The following GRM1 variants were observed in gnomAD, a reference collection of about 807,000 sequenced individuals.
GRM1 encodes metabotropic glutamate receptor 1.
In GRM1, 33 loss-of-function variants were observed where a neutral mutation model predicts 90.9. That is an observed-to-expected ratio of 0.36 (90% CI 0.28 to 0.49). The LOEUF (loss-of-function observed/expected upper bound fraction) is 0.49. Among genes scored for constraint, GRM1 ranks in the 20% least tolerant of loss-of-function variants. The pLI, the probability that GRM1 is intolerant of heterozygous loss-of-function variation, is 0.99. For missense variants in GRM1, 1,190 were observed against 1,534.3 expected, an observed-to-expected ratio of 0.78 and a Z score of 3.75; for synonymous variants, 700 against 613.2, an observed-to-expected ratio of 1.14 and a Z score of -2.09.
chr6:146,273,848 TGAG>T (rs1782256933), intron 2 of GRM1, among the ~76,000 whole-genome samples: 1 of 152,242 alleles, frequency 6.6e-6, no homozygotes. Context: ...AAGGCAATTA[TGAG>T]GAGGCTATGA....
chr6:146,198,322 A>C (rs1238255555), intron 2 of GRM1, among the ~76,000 whole-genome samples: 1 of 152,240 alleles, frequency 6.6e-6, no homozygotes, highest in East Asian at 1.9e-4. Context: ...AGTTCAGAGA[A>C]TGAAGTGGAG....
rs1562669987 is a variant in GRM1 at position 146,399,655 on chromosome 6, C to A, written c.2616C>A (p.Phe872Leu). 2 of 1,613,978 alleles carry A rather than the reference C, an allele frequency of 1.2e-6. No homozygotes were observed. Among genetic ancestry groups the A allele is most frequent in the South Asian group, 2.2e-5 (2 of 91,082 alleles). ...DGKLPCRSNT[F>L]LNIFRRKKAG... Reference sequence around the variant, plus strand: ...AGCTGCCCTGCCGCTCCAACACTTTCCTCAACATCTTCCGAAGAAAGAAGG... The same window carrying A: ...AGCTGCCCTGCCGCTCCAACACTTTACTCAACATCTTCCGAAGAAAGAAGG... Residue 872 changes from phenylalanine (F) to leucine (L), a missense_variant, in exon 7 of 8, where the codon TTC (phenylalanine) becomes TTA (leucine). By Grantham distance (22) the Phe-to-Leu change is conservative. Transcript: ENST00000282753. This position sits in a 1 kb window ranked among gnomAD's most constrained non-coding sequence, Gnocchi z 5.4.
intron 2 of GRM1, 71 bp from the exon 3 acceptor site, chr6:146,304,540 A>C (rs908794404): frequency 3.8e-6 from 4 of 1,050,938 alleles, no homozygotes; most frequent in Non-Finnish European, 5.9e-6. Flanking sequence ...CTTCATTCAT[A>C]TATAACTCTG....
chr6:146,092,022 G>T (rs1562458021), intron 1 of GRM1, among the ~76,000 whole-genome samples: 1 of 152,080 alleles, frequency 6.6e-6, no homozygotes. Flanking sequence ...TAATTTCAAA[G>T]ACATGCTTCA....
intron 7 of GRM1, among the ~76,000 whole-genome samples, chr6:146,400,367 T>A (rs1195667312): frequency 6.6e-6 from 1 of 152,000 alleles, no homozygotes; most frequent in Admixed American, 6.6e-5. Flanking sequence ...TGCAAAGTCA[T>A]GATCAGAATA....
At chr6:146,414,159 C>A (rs1354026228) in intron 7 of GRM1, among the ~76,000 whole-genome samples, 1 of 152,120 alleles carries the variant, frequency 6.6e-6, no homozygotes, top group African/African-American at 2.4e-5. Context: ...CATTCTGCCT[C>A]CTACCAAGAA....
intron 1 of GRM1, among the ~76,000 whole-genome samples, chr6:146,079,143 G>T (rs1776282090): frequency 6.6e-6 from 1 of 152,180 alleles, no homozygotes. Flanking sequence ...AGTTGGAGAT[G>T]ATCAGGGGAG....
At chr6:146,256,889 G>T (rs1291360356) in intron 2 of GRM1, among the ~76,000 whole-genome samples, 1 of 152,082 alleles carries the variant, frequency 6.6e-6, no homozygotes, top group Non-Finnish European at 1.5e-5. Flanking sequence ...TTTCCCAGGG[G>T]TGTTCATGGC....
At chr6:146,370,551 T>C (rs956375187) in intron 5 of GRM1, among the ~76,000 whole-genome samples, 1 of 152,092 alleles carries the variant, frequency 6.6e-6, no homozygotes, top group African/African-American at 2.4e-5. Context: ...TTTTGAGCTC[T>C]TTAACTTCAA....
intron 2 of GRM1, among the ~76,000 whole-genome samples, chr6:146,211,996 C>A (rs1221250928): frequency 6.6e-6 from 1 of 152,136 alleles, no homozygotes; most frequent in Admixed American, 6.6e-5. Flanking sequence ...GACAGGGCAT[C>A]AGGAAGGGCA....
At chr6:146,236,813 C>A (rs921461814) in intron 2 of GRM1, among the ~76,000 whole-genome samples, 1 of 152,226 alleles carries the variant, frequency 6.6e-6, no homozygotes, top group Middle Eastern at 3.4e-3. Flanking sequence ...TGCAGGGCTG[C>A]TGTTCTGTTC....
chr6:146,290,679 G>A (rs780523775), intron 2 of GRM1, among the ~76,000 whole-genome samples: 4 of 152,060 alleles, frequency 2.6e-5, no homozygotes, highest in Non-Finnish European at 4.4e-5. Flanking sequence ...GGTACTCCAT[G>A]CCTGTCCGAC....
intron 7 of GRM1, among the ~76,000 whole-genome samples, chr6:146,427,094 A>G (rs1024793804): frequency 2.0e-5 from 3 of 152,062 alleles, no homozygotes; most frequent in Non-Finnish European, 4.4e-5. Flanking sequence ...GAGTTCTATC[A>G]TGTCAGTTTG....
At chr6:146,262,407 GTCTC>G (rs1229367351) in intron 2 of GRM1, among the ~76,000 whole-genome samples, 1 of 151,886 alleles carries the variant, frequency 6.6e-6, no homozygotes, top group Admixed American at 6.6e-5. Flanking sequence ...ATATGTGTGT[GTCTC>G]TATTTATAAT....
intron 2 of GRM1, among the ~76,000 whole-genome samples, chr6:146,267,687 G>GT (rs1562568711): frequency 9.8e-6 from 1 of 102,428 alleles, no homozygotes; most frequent in African/African-American, 8.5e-5. Context: ...GCTGGGCTCG[G>GT]CTCGGCTCGG....
intron 2 of GRM1, among the ~76,000 whole-genome samples, chr6:146,257,750 C>CT (rs1026821517): frequency 2.0e-5 from 3 of 150,938 alleles, no homozygotes; most frequent in South Asian, 2.1e-4. Context: ...CCCCTTTCAT[C>CT]TTTTTTTTTG....
At chr6:146,400,370 T>A (rs559146437) in intron 7 of GRM1, among the ~76,000 whole-genome samples, 14 of 151,954 alleles carry the variant, frequency 9.2e-5, no homozygotes, top group Non-Finnish European at 1.5e-4. Context: ...AAAGTCATGA[T>A]CAGAATAGTT....
Position 146,043,782 on chromosome 6 carries a change from G to GAGAT in GRM1, c.700+13566_700+13567insGATA, listed in dbSNP as rs771296715. On this transcript the variant is annotated intron_variant, in intron 1 of 7. Coordinates refer to ENST00000282753, the MANE Select transcript of GRM1 (RefSeq NM_001278064.2). Reference sequence around the variant, plus strand: ...ACTCTATTTTTGGAAAGAGTCAGGTGATATATATATATATATATATATATA... The same window carrying GAGAT: ...ACTCTATTTTTGGAAAGAGTCAGGTGAGATATATATATATATATATATATATATA... 4.1e-3 allele frequency among the ~76,000 whole-genome samples: 368 copies of GAGAT among 89,986 alleles called. 14 individuals are homozygous for GAGAT. In the East Asian group the frequency reaches 0.077, roughly 19 times the overall value. 59.0% of individuals were successfully genotyped at this position (89,986 alleles called of 152,430 possible).
chr6:146,423,688 T>C (rs2300628), intron 7 of GRM1, among the ~76,000 whole-genome samples: 97,498 of 151,860 alleles, frequency 0.64, 33,217 homozygotes, highest in African/African-American at 0.89. Context: ...AGATGCTGCC[T>C]GGGTGCACCA....
Sources: gnomAD v4.1 joint callset for allele counts (sites outside exome capture counted in the v4.1 genomes callset) on GRCh38, gnomAD v4.1.1 for gene constraint, Gnocchi (gnomAD v3.1) non-coding constraint, MANE v1.5 for transcripts, NCBI Gene and HGNC (gene_info 2026-07-23, HGNC 2026-07-21) for gene names.